Variants in FYN observed in about 807,000 individuals in gnomAD.
FYN encodes FYN proto-oncogene, Src family tyrosine kinase.
In FYN, 10 loss-of-function variants were observed where a neutral mutation model predicts 70.2. The observed-to-expected ratio is 0.14, with a 90% CI of 0.09 to 0.24. The LOEUF is 0.24. Among genes scored for constraint, FYN ranks in the 10% least tolerant of loss-of-function variants. The probability of loss-of-function intolerance (pLI) is 1.00; values close to 1 mark genes in which losing one functional copy is unlikely to be tolerated. For synonymous variants in FYN, 236 were observed against 248.6 expected, an observed-to-expected ratio of 0.95 and a Z score of 0.48; for missense variants, 319 against 673.1, an observed-to-expected ratio of 0.47 and a Z score of 5.82.
intron 6 of FYN, among the ~76,000 whole-genome samples, chr6:111,706,429 C>G (rs1422384534): frequency 6.6e-6 from 1 of 152,154 alleles, no homozygotes; most frequent in Non-Finnish European, 1.5e-5. Context: ...AGAGACATTG[C>G]GTATTAGCTC....
At chr6:111,721,108 C>T (rs1490591821) in intron 3 of FYN, among the ~76,000 whole-genome samples, 6 of 152,178 alleles carry the variant, frequency 3.9e-5, no homozygotes, top group South Asian at 4.1e-4. Flanking sequence ...TGATATGTGA[C>T]GTATCCATGT....
At chr6:111,791,776 A>T (rs1481878147) in intron 2 of FYN, among the ~76,000 whole-genome samples, 1 of 152,238 alleles carries the variant, frequency 6.6e-6, no homozygotes, top group East Asian at 1.9e-4. Flanking sequence ...TGCTGTTTTA[A>T]GCCACCCATT....
chr6:111,775,926 C>T (rs1770918138), intron 3 of FYN, among the ~76,000 whole-genome samples: 3 of 152,152 alleles, frequency 2.0e-5, no homozygotes, highest in Admixed American at 2.0e-4. Flanking sequence ...CATGTTATGG[C>T]CTTCATGACT....
intron 1 of FYN, among the ~76,000 whole-genome samples, chr6:111,864,630 G>T (rs1350962315): frequency 6.6e-6 from 1 of 152,122 alleles, no homozygotes; most frequent in Admixed American, 6.5e-5. Flanking sequence ...GGCTTCTCAA[G>T]AGGCAGTAGG....
At chr6:111,776,002 C>A (rs1770923617) in intron 3 of FYN, among the ~76,000 whole-genome samples, 1 of 152,140 alleles carries the variant, frequency 6.6e-6, no homozygotes, top group Non-Finnish European at 1.5e-5. Flanking sequence ...ACAAAATTGT[C>A]CATTTTCACT....
chr6:111,797,103 T>C (rs559521576), intron 2 of FYN, among the ~76,000 whole-genome samples: 1 of 152,272 alleles, frequency 6.6e-6, no homozygotes, highest in East Asian at 1.9e-4. Flanking sequence ...ATGACAAGAG[T>C]CAGACAATCC....
At chr6:111,803,654 G>C (rs1772059073) in intron 2 of FYN, among the ~76,000 whole-genome samples, 2 of 151,942 alleles carry the variant, frequency 1.3e-5, no homozygotes, top group African/African-American at 4.8e-5. Context: ...GGTAGGTGGG[G>C]AAAGACCACA....
chr6:111,670,192 T>C (rs1243715494), intron 13 of FYN, among the ~76,000 whole-genome samples: 3 of 152,212 alleles, frequency 2.0e-5, no homozygotes, highest in African/African-American at 7.2e-5. Flanking sequence ...AAAGGCCTTA[T>C]CTGATTTGCC....
At chr6:111,662,353 A>G (rs1797783323) in intron 13 of FYN, among the ~76,000 whole-genome samples, 1 of 152,244 alleles carries the variant, frequency 6.6e-6, no homozygotes, top group Non-Finnish European at 1.5e-5. Context: ...TCAACGGGTC[A>G]ACAAACTTTT....
At chr6:111,818,290 A>C (rs1302959090) in intron 2 of FYN, among the ~76,000 whole-genome samples, 1 of 152,188 alleles carries the variant, frequency 6.6e-6, no homozygotes, top group African/African-American at 2.4e-5. Context: ...CCTGGGTGCA[A>C]TATCAATCCA....
intron 3 of FYN, among the ~76,000 whole-genome samples, chr6:111,765,651 T>G (rs1803201159): frequency 6.6e-6 from 1 of 152,154 alleles, no homozygotes; most frequent in South Asian, 2.1e-4. Flanking sequence ...TCAGTTATTT[T>G]TAAGCACCTA....
chr6:111,765,915 A>T (rs1803213134), intron 3 of FYN, among the ~76,000 whole-genome samples: 1 of 152,136 alleles, frequency 6.6e-6, no homozygotes, highest in Admixed American at 6.6e-5. Flanking sequence ...ACAGGATCAC[A>T]TTTGAAGTGA....
At chr6:111,681,562 T>C (rs1316835661) in intron 12 of FYN, among the ~76,000 whole-genome samples, 7 of 152,156 alleles carry the variant, frequency 4.6e-5, no homozygotes, top group East Asian at 1.9e-4. Context: ...TTCTTTTACA[T>C]TGGCTTTGGA....
At chr6:111,841,215 G>A (rs986378586) in intron 2 of FYN, among the ~76,000 whole-genome samples, 2 of 152,198 alleles carry the variant, frequency 1.3e-5, no homozygotes, top group Non-Finnish European at 2.9e-5. Context: ...TTCACAGGGC[G>A]ACCACCTTGC....
rs143046481 is a variant in FYN at position 111,868,456 on chromosome 6, G to T, written c.-123+4512C>A. Reference sequence around the variant, plus strand: ...ATTATTTCCAGTATCGACATGCCTTGCTTTACCATTGTTTAATTTAATTTT... The same window carrying T: ...ATTATTTCCAGTATCGACATGCCTTTCTTTACCATTGTTTAATTTAATTTT... On this transcript the variant is annotated intron_variant, in intron 1 of 13. Coordinates refer to ENST00000354650, the MANE Select transcript of FYN (RefSeq NM_002037.5). Among the ~76,000 whole-genome samples the T allele has an allele frequency of 1.2e-4, 18 of 152,246 alleles. No individual in the cohort carries two copies. The East Asian group carries it at 3.5e-3, about 29-fold the overall frequency.
At chr6:111,860,973 T>C (rs188323075) in intron 1 of FYN, among the ~76,000 whole-genome samples, 4 of 152,308 alleles carry the variant, frequency 2.6e-5, no homozygotes, top group African/African-American at 9.6e-5. Context: ...AGTAGGGCTA[T>C]TGCATTTTCA....
Position 111,660,949 on chromosome 6 carries a change from A to T in FYN, c.*790T>A, listed in dbSNP as rs1047649772. On this transcript the variant is annotated 3_prime_UTR_variant, in exon 14 of 14. Coordinates refer to ENST00000354650, the MANE Select transcript of FYN (RefSeq NM_002037.5). Reference sequence around the variant, plus strand: ...GCAGTAAGTTGAAGCAAATAGTGCTAACAGAACTTGTAAATTCAGCTTGGG... The same window carrying T: ...GCAGTAAGTTGAAGCAAATAGTGCTTACAGAACTTGTAAATTCAGCTTGGG... 3 of 152,218 alleles carry T rather than the reference A, an allele frequency of 2.0e-5. No homozygotes were observed. The highest frequency in any genetic ancestry group is 7.2e-5 in the African/African-American group (3 of 41,450). The allele number at this position is 152,218 out of a possible 1,614,324, so 9.4% of individuals were successfully genotyped here.
chr6:111,842,884 T>C (rs1260214491), intron 2 of FYN, among the ~76,000 whole-genome samples: 3 of 152,240 alleles, frequency 2.0e-5, no homozygotes, highest in Admixed American at 6.5e-5. Context: ...GCAACTTCCA[T>C]GTACATTCTA....
At chr6:111,737,394 TCTCCACAACCCC>T in intron 3 of FYN, among the ~76,000 whole-genome samples, 1 of 152,146 alleles carries the variant, frequency 6.6e-6, no homozygotes. Context: ...TAAATCGGGA[TCTCCACAACCCC>T]CTCCTTGGGT....
Sources: allele counts gnomAD v4.1 joint callset (sites outside exome capture counted in the v4.1 genomes callset), GRCh38; gene constraint gnomAD v4.1.1; transcripts MANE v1.5; gene names NCBI Gene and HGNC (gene_info 2026-07-23, HGNC 2026-07-21).